Variants in RCL1 observed in about 807,000 individuals in gnomAD.
RCL1 encodes the protein RNA 3'-terminal phosphate cyclase-like protein.
In RCL1, 24 loss-of-function variants were observed where a neutral mutation model predicts 42.4. That is an observed-to-expected ratio of 0.57 (90% CI 0.41 to 0.80). The LOEUF is 0.80. Among genes scored for constraint, RCL1 ranks in the 30% least tolerant of loss-of-function variants. RCL1 has a pLI of 0.00. For synonymous variants in RCL1, 228 were observed against 177.3 expected, an observed-to-expected ratio of 1.29 and a Z score of -2.27; for missense variants, 578 against 467.9, an observed-to-expected ratio of 1.24 and a Z score of -2.17.
At chr9:4,839,170 G>C (rs142171607) in intron 5 of RCL1, among the ~76,000 whole-genome samples, 2 of 152,152 alleles carry the variant, frequency 1.3e-5, no homozygotes, top group Non-Finnish European at 2.9e-5. Flanking sequence ...TAAGCAACTG[G>C]CTTTAAAGTT....
chr9:4,800,993 G>T (rs1454604795), intron 1 of RCL1, among the ~76,000 whole-genome samples: 5 of 152,096 alleles, frequency 3.3e-5, no homozygotes, highest in Non-Finnish European at 7.4e-5. Context: ...GTGTATGAGG[G>T]ATTCAGTTTC....
intron 1 of RCL1, among the ~76,000 whole-genome samples, chr9:4,819,215 C>T (rs892357574): frequency 2.6e-5 from 4 of 152,174 alleles, no homozygotes; most frequent in Admixed American, 6.5e-5. Flanking sequence ...CACCTCAGAT[C>T]GTCAGGCATT....
chr9:4,827,289 C>T (rs1816796115), intron 3 of RCL1: 1 of 1,277,624 alleles, frequency 7.8e-7, no homozygotes, highest in African/African-American at 1.5e-5. Flanking sequence ...AACAGATGCT[C>T]TCCGTCTCAT....
intron 1 of RCL1, among the ~76,000 whole-genome samples, chr9:4,813,033 T>A (rs2130984907): frequency 6.6e-6 from 1 of 152,308 alleles, no homozygotes; most frequent in South Asian, 2.1e-4. Context: ...CTTAACTTCC[T>A]CCTTCCCGAT....
At chr9:4,814,379 GC>G (rs895622384) in intron 1 of RCL1, among the ~76,000 whole-genome samples, 19 of 152,136 alleles carry the variant, frequency 1.2e-4, no homozygotes, top group Admixed American at 3.9e-4. Flanking sequence ...GAACTCCTGG[GC>G]TCAAGCAATC....
At chr9:4,810,977 C>T (rs566462881) in intron 1 of RCL1, among the ~76,000 whole-genome samples, 178 of 152,012 alleles carry the variant, frequency 1.2e-3, no homozygotes, top group Non-Finnish European at 1.5e-3. Flanking sequence ...TACATGTATA[C>T]AGTATATAAT....
In RCL1 at chr9:4,844,540, G is replaced by T. The variant is rs1409551974; in HGVS notation, c.726G>T (p.Gly242=). The change falls in exon 7 of 9, where the codon GGG becomes GGT. Residue 242 remains glycine, a synonymous_variant. Transcript: ENST00000381750. ...GTATCTCCAGGTCTCCGGGCTTTGG[G>T]TTGTCACTGGTTGCTGAGACCACCA... ...GVNSGKSPGF[G]LSLVAETTSG... 6.2e-7 allele frequency: 1 copy of T among 1,612,428 alleles called. No homozygotes were observed. Among genetic ancestry groups the T allele is most frequent in the East Asian group, 2.2e-5 (1 of 44,832 alleles).
At chr9:4,830,434 T>G (rs1253862497) in intron 3 of RCL1, among the ~76,000 whole-genome samples, 5 of 152,128 alleles carry the variant, frequency 3.3e-5, no homozygotes, top group Non-Finnish European at 7.4e-5. Flanking sequence ...GGTGATGGAA[T>G]GAGCCTTATG....
intron 5 of RCL1, among the ~76,000 whole-genome samples, chr9:4,835,577 A>G (rs138550156): frequency 6.6e-6 from 1 of 152,334 alleles, no homozygotes; most frequent in East Asian, 1.9e-4. Context: ...ATGAAGCGAG[A>G]GTCAGGGAGA....
At chr9:4,819,575 G>A (rs1419234465) in intron 1 of RCL1, among the ~76,000 whole-genome samples, 1 of 152,186 alleles carries the variant, frequency 6.6e-6, no homozygotes, top group African/African-American at 2.4e-5. Context: ...TTGGGAGGTC[G>A]AGGCGGGGGG....
intron 8 of RCL1, among the ~76,000 whole-genome samples, chr9:4,852,727 C>T (rs1387779497): frequency 4.0e-5 from 6 of 149,882 alleles, no homozygotes; most frequent in African/African-American, 1.5e-4. Context: ...CCTGCCTGGA[C>T]ACCCCTTCAC....
At chr9:4,825,104 A>G (rs1200042427) in intron 2 of RCL1, among the ~76,000 whole-genome samples, 3 of 150,824 alleles carry the variant, frequency 2.0e-5, no homozygotes, top group Non-Finnish European at 4.4e-5. Context: ...TAGTAGAGAC[A>G]GGGTGATCTG....
chr9:4,835,714 C>T (rs1413023739), intron 5 of RCL1, among the ~76,000 whole-genome samples: 8 of 152,212 alleles, frequency 5.3e-5, no homozygotes, highest in Non-Finnish European at 7.3e-5. Flanking sequence ...TGGGTGCCGA[C>T]GCCGGCTGCG....
At chr9:4,834,013 C>G in intron 4 of RCL1, 128 bp from the exon 5 acceptor site, 6 of 1,025,334 alleles carry the variant, frequency 5.9e-6, no homozygotes, top group Non-Finnish European at 8.3e-6. Context: ...AAGGGAATGA[C>G]AGATTGAATA....
rs572328589 is a variant in RCL1, at chr9:4,836,966, C to T, written c.584+2701C>T. Reference sequence around the variant, plus strand: ...CTGTCCCCCAGCCCATGTAAGCGCCCAGCCTTGTGTGTACCAGGAGAGAAC... The same window carrying T: ...CTGTCCCCCAGCCCATGTAAGCGCCTAGCCTTGTGTGTACCAGGAGAGAAC... On this transcript the variant is annotated intron_variant, in intron 5 of 8. Coordinates refer to ENST00000381750, the MANE Select transcript of RCL1 (RefSeq NM_005772.5). 2.6e-5 allele frequency among the ~76,000 whole-genome samples: 4 copies of T among 152,286 alleles called. No homozygotes were observed. In the South Asian group the frequency reaches 6.2e-4, roughly 24 times the overall value.
chr9:4,853,793 CTT>C (rs35832520), intron 8 of RCL1, among the ~76,000 whole-genome samples: 1 of 150,772 alleles, frequency 6.6e-6, no homozygotes, highest in Non-Finnish European at 1.5e-5. Context: ...TAAACCGTGA[CTT>C]TTTTTTTTCT....
intron 1 of RCL1, among the ~76,000 whole-genome samples, chr9:4,819,342 G>A (rs370266858): frequency 6.6e-6 from 1 of 152,208 alleles, no homozygotes; most frequent in Admixed American, 6.5e-5. Flanking sequence ...CTGGACCCTG[G>A]TGCCAAAAGG....
chr9:4,852,659 G>T (rs951941101), intron 8 of RCL1, among the ~76,000 whole-genome samples: 4 of 152,224 alleles, frequency 2.6e-5, no homozygotes, highest in Non-Finnish European at 5.9e-5. Flanking sequence ...GATTAAGTCA[G>T]ATGCTTAGTG....
chr9:4,851,485 A>G (rs1423835043), intron 8 of RCL1, among the ~76,000 whole-genome samples: 12 of 152,224 alleles, frequency 7.9e-5, no homozygotes, highest in Non-Finnish European at 1.2e-4. Flanking sequence ...CAGCAGCACA[A>G]AGAGATGAAG....
Sources: gnomAD v4.1 joint callset for allele counts (sites outside exome capture counted in the v4.1 genomes callset) on GRCh38, gnomAD v4.1.1 for gene constraint, MANE v1.5 for transcripts, NCBI Gene and HGNC (gene_info 2026-07-23, HGNC 2026-07-21) for gene names.